The following LHCGR variants were observed in gnomAD, a reference collection of about 807,000 sequenced individuals.
LHCGR encodes the protein lutropin-choriogonadotropic hormone receptor.
Under a neutral mutation model 60.7 loss-of-function variants are expected in LHCGR, and 55 were observed. The observed-to-expected ratio is 0.91, with a 90% confidence interval of 0.73 to 1.13. The LOEUF is 1.13. Ranked by LOEUF, LHCGR falls within the 50% of genes most tolerant of loss-of-function variation. The probability of loss-of-function intolerance (pLI) is 0.00; values close to 1 mark genes in which losing one functional copy is unlikely to be tolerated. For synonymous variants in LHCGR, 337 were observed against 316.5 expected (o/e 1.06, Z -0.69); for missense variants, 862 against 836.0 (o/e 1.03, Z -0.38).
At chr2:48,722,619 A>G (rs954859294) in intron 6 of LHCGR, among the ~76,000 whole-genome samples, 1 of 152,152 alleles carries the variant, frequency 6.6e-6, no homozygotes, top group Non-Finnish European at 1.5e-5. Flanking sequence ...GCTCCTGGCC[A>G]TGTGAGGTGC....
intron 1 of LHCGR, among the ~76,000 whole-genome samples, chr2:48,742,175 C>G (rs976252550): frequency 2.0e-5 from 3 of 151,880 alleles, no homozygotes; most frequent in Admixed American, 1.3e-4. Context: ...AATACAGGAG[C>G]ACCCAGATTC....
chr2:48,712,018 G>A (rs1425526306), intron 7 of LHCGR, among the ~76,000 whole-genome samples: 1 of 151,922 alleles, frequency 6.6e-6, no homozygotes, highest in Admixed American at 6.6e-5. Context: ...CTATCTGCTG[G>A]TCTATGAACA....
At chr2:48,695,511 T>G (rs968312547) in intron 9 of LHCGR, among the ~76,000 whole-genome samples, 1 of 152,162 alleles carries the variant, frequency 6.6e-6, no homozygotes, top group Non-Finnish European at 1.5e-5. Flanking sequence ...CTAAAAGAAC[T>G]TAAAACAGAG....
At chr2:48,701,936 T>C (rs1667430652) in intron 8 of LHCGR, among the ~76,000 whole-genome samples, 1 of 152,238 alleles carries the variant, frequency 6.6e-6, no homozygotes. Context: ...GTCTCCCTTA[T>C]GTGACTGTCA....
chr2:48,727,175 C>T (rs912367403), intron 3 of LHCGR, among the ~76,000 whole-genome samples: 2 of 151,898 alleles, frequency 1.3e-5, no homozygotes, highest in Admixed American at 6.6e-5. Flanking sequence ...CATCTGTAGT[C>T]CCATCTACTT....
rs1667954159 is a variant in LHCGR, at chr2:48,710,855, C to T, written c.606-1833G>A. ...ATTTATGAGGAAGGGTTGAATGTAT[C>T]GTTTGAAAATTTTGCTTGACAGTTT... is the stretch of plus-strand genomic sequence containing the variant. On this transcript the variant is annotated intron_variant, in intron 7 of 10. Coordinates refer to ENST00000294954, the MANE Select transcript of LHCGR (RefSeq NM_000233.4). 3.3e-5 allele frequency among the ~76,000 whole-genome samples: 5 copies of T among 152,162 alleles called. No homozygotes were observed. The South Asian group carries it at 6.2e-4, about 19-fold the overall frequency.
chr2:48,698,731 G>A lies in LHCGR; in HGVS notation c.750C>T (p.Ala250=). The change falls in exon 9 of 11, where the codon GCC becomes GCT. Residue 250 remains alanine (A), a synonymous_variant. Coordinates refer to ENST00000294954, the MANE Select transcript of LHCGR (RefSeq NM_000233.4). ...YGLESIQRLI[A]TSSYSLKKLP... The stretch of plus-strand genomic sequence containing the variant: ...ATTTTTTTAGAGAATAGGATGACGT[G>A]GCAATTAGCCTCTGAATGGACTCTA... 4.3e-6 allele frequency: 7 copies of A among 1,614,024 alleles called. No individual in the cohort carries two copies. Among genetic ancestry groups the A allele is most frequent in the African/African-American group, 1.3e-5 (1 of 75,034 alleles).
In LHCGR at chr2:48,755,625, A is replaced by T. The variant is rs4539842; in HGVS notation, c.47T>A (p.Leu16Gln). The T allele has an allele frequency of 5.1e-5, 58 of 1,128,854 alleles. No individual in the cohort carries two copies. Among genetic ancestry groups the T allele is most frequent in the Non-Finnish European group, 6.6e-5 (52 of 790,884 alleles). 69.9% of individuals were successfully genotyped at this position (1,128,854 alleles called of 1,614,324 possible). A position where few individuals can be genotyped will look rare whatever the true frequency, so the allele number is the denominator to read the frequency against. Residue 16 changes from leucine to glutamine, a missense_variant, in exon 1 of 11, where the codon CTG becomes CAG. Coordinates refer to ENST00000294954, the MANE Select transcript of LHCGR (RefSeq NM_000233.4). ...SALQLLKLLL[L>Q]LQPPLPRALR... ...CGCTCGTGGCAGCGGCGGCTGCAGC[A>T]GCAGCAGCAGCTTCAGCAGCTGCAG... is the stretch of plus-strand genomic sequence containing the variant.
rs151310880 is a variant in LHCGR, at chr2:48,733,372, G to A, written c.162-2074C>T. Among the ~76,000 whole-genome samples, 11 of 152,266 alleles carry A rather than the reference G, an allele frequency of 7.2e-5. No homozygotes were observed. In the East Asian group the frequency reaches 1.9e-3, roughly 27 times the overall value. On this transcript the variant is annotated intron_variant, in intron 1 of 10. Coordinates refer to ENST00000294954, the MANE Select transcript of LHCGR (RefSeq NM_000233.4). ...AGATTTGATCAGGGAGGTTGCCTGA[G>A]CTTTTGATTGATGTAGGGAGGAGGG...
At chr2:48,709,150 G>A in intron 7 of LHCGR, 128 bp from the exon 8 acceptor site, 1 of 760,496 alleles carries the variant, frequency 1.3e-6, no homozygotes, top group Non-Finnish European at 2.4e-6. Flanking sequence ...AAAAGGGTAA[G>A]TGGAGGGAAA....
chr2:48,691,916 C>G (rs1666867377), intron 10 of LHCGR, among the ~76,000 whole-genome samples: 1 of 151,222 alleles, frequency 6.6e-6, no homozygotes, highest in African/African-American at 2.4e-5. Context: ...GTAACGAAAC[C>G]AAGATTAAAG....
chr2:48,755,679 G>T lies in LHCGR; in HGVS notation c.-8C>A, dbSNP rs749237266. The T allele has an allele frequency of 1.3e-6, 2 of 1,534,772 alleles. No homozygotes were observed. Among genetic ancestry groups the T allele is most frequent in the South Asian group, 2.4e-5 (2 of 83,880 alleles). On this transcript the variant is annotated 5_prime_UTR_variant, in exon 1 of 11. Transcript: ENST00000294954. ...CGAGAACCGCTGCTTCATGGCCGGCGAACTGGGCTTCTGCGGCTTGCCAGT... is the reference window on the plus strand; with the variant it reads ...CGAGAACCGCTGCTTCATGGCCGGCTAACTGGGCTTCTGCGGCTTGCCAGT...
chr2:48,741,984 T>A (rs975635128), intron 1 of LHCGR, among the ~76,000 whole-genome samples: 2 of 151,878 alleles, frequency 1.3e-5, no homozygotes, highest in Non-Finnish European at 2.9e-5. Context: ...TCAAAATAAA[T>A]GGATGGAGGA....
rs931636452 is a variant in LHCGR at position 48,688,477 on chromosome 2, G to A, written c.1320C>T (p.Ser440=). 6.2e-7 allele frequency: 1 copy of A among 1,614,096 alleles called. No homozygotes were observed. Among genetic ancestry groups the A allele is most frequent in the Non-Finnish European group, 8.5e-7 (1 of 1,180,052 alleles). Residue 440 remains serine, a synonymous_variant, in exon 11 of 11, where the codon AGC becomes AGT. Transcript: ENST00000294954. The surrounding 1 kb of genome is among the most constrained non-coding windows in gnomAD (Gnocchi z 5.2). The part of the protein sequence containing the change: ...AIDWQTGSGC[S]TAGFFTVFAS... ...CGAATACAGTGAAAAAGCCAGCAGT[G>A]CTGCACCCACTCCCTGTCTGCCAGT...
intron 1 of LHCGR, chr2:48,732,954 C>A: frequency 1.9e-6 from 1 of 534,376 alleles, no homozygotes; most frequent in Non-Finnish European, 3.8e-6. Flanking sequence ...CCGAGAAGAA[C>A]AGGGACAGTG....
At chr2:48,733,797 C>G (rs1669104886) in intron 1 of LHCGR, among the ~76,000 whole-genome samples, 1 of 151,846 alleles carries the variant, frequency 6.6e-6, no homozygotes, top group Non-Finnish European at 1.5e-5. Context: ...ATCTTCATTT[C>G]TGATTCGTCT....
chr2:48,755,113 C>A (rs1670148703), intron 1 of LHCGR, among the ~76,000 whole-genome samples: 1 of 152,028 alleles, frequency 6.6e-6, no homozygotes, highest in African/African-American at 2.4e-5. Flanking sequence ...TCACATTCAC[C>A]TTCCCTGACG....
At chr2:48,732,362 G>C (rs1669032472) in intron 1 of LHCGR, among the ~76,000 whole-genome samples, 1 of 152,210 alleles carries the variant, frequency 6.6e-6, no homozygotes, top group African/African-American at 2.4e-5. Flanking sequence ...CTATGCAGCA[G>C]AGACTGCTTT....
At chr2:48,712,099 T>C (rs1402369948) in intron 7 of LHCGR, among the ~76,000 whole-genome samples, 1 of 151,900 alleles carries the variant, frequency 6.6e-6, no homozygotes, top group Non-Finnish European at 1.5e-5. Flanking sequence ...TCCTCTCTTT[T>C]TGCCTAAGTT....
Sources: allele counts gnomAD v4.1 joint callset (sites outside exome capture counted in the v4.1 genomes callset), GRCh38; gene constraint gnomAD v4.1.1; non-coding constraint Gnocchi (gnomAD v3.1); transcripts MANE v1.5; gene names NCBI Gene and HGNC (gene_info 2026-07-23, HGNC 2026-07-21).